Variants in ARHGEF16 observed in about 807,000 individuals in gnomAD.
The protein encoded by ARHGEF16 is Rho guanine exchange factor (GEF) 16.
ARHGEF16 carries 59 observed loss-of-function variants against 74.1 expected under a neutral mutation model. The ratio of observed to expected loss-of-function variants is 0.80; its 90% CI spans 0.65 to 0.99. The LOEUF (loss-of-function observed/expected upper bound fraction) is 0.99. Ranked by LOEUF, ARHGEF16 falls within the 50% of genes least tolerant of loss-of-function variation. ARHGEF16 has a pLI of 0.00. For missense variants in ARHGEF16, 948 were observed against 986.6 expected, an observed-to-expected ratio of 0.96 and a Z score of 0.52; for synonymous variants, 415 against 412.6, an observed-to-expected ratio of 1.01 and a Z score of -0.07.
intron 1 of ARHGEF16, among the ~76,000 whole-genome samples, chr1:3,459,773 C>T (rs963091686): frequency 9.2e-5 from 14 of 152,200 alleles, no homozygotes; most frequent in African/African-American, 3.4e-4. Context: ...AGGACGTGGA[C>T]AAGGCCCTGC....
intron 4 of ARHGEF16, among the ~76,000 whole-genome samples, chr1:3,467,698 C>T (rs2100743066): frequency 6.6e-6 from 1 of 152,300 alleles, no homozygotes; most frequent in South Asian, 2.1e-4. Flanking sequence ...GGGGCCGGGA[C>T]TTGGAGCTGG....
At chr1:3,462,883 G>T (rs1240234069) in intron 1 of ARHGEF16, among the ~76,000 whole-genome samples, 183 bp from the exon 2 acceptor site, 2 of 152,158 alleles carry the variant, frequency 1.3e-5, no homozygotes, top group Non-Finnish European at 2.9e-5. Context: ...CTGGCTCCCA[G>T]TGGTCAGGAC....
At chr1:3,472,028 C>A (rs1639739227) in intron 6 of ARHGEF16, among the ~76,000 whole-genome samples, 1 of 152,210 alleles carries the variant, frequency 6.6e-6, no homozygotes, top group Non-Finnish European at 1.5e-5. Context: ...AAGCGTGGCT[C>A]CTGCGTGGGT....
Position 3,473,431 on chromosome 1 carries a change from T to C in ARHGEF16, c.1214T>C (p.Ile405Thr), listed in dbSNP as rs539145625. The change falls in exon 8 of 15, where the codon ATT becomes ACT. Residue 405 changes from isoleucine (I) to threonine (T), a missense_variant. Coordinates refer to ENST00000378378, the MANE Select transcript of ARHGEF16 (RefSeq NM_014448.4). ...GCCTTCCGAGAGGCCCTGAGAGAGA[T>C]TGAGAGGCGGCCGGCGTGCGGGGGC... ...NAAFREALREIERRPACGGLP... is the reference protein window; with the variant it reads ...NAAFREALRETERRPACGGLP... The C allele has an allele frequency of 6.2e-6, 10 of 1,612,292 alleles. No individual in the cohort carries two copies. In the South Asian group the frequency reaches 6.6e-5, roughly 11 times the overall value.
rs756915221 is a variant in ARHGEF16 at position 3,473,242 on chromosome 1, G to A, written c.1175+12G>A. On this transcript the variant is annotated intron_variant, in intron 7 of 14. Coordinates refer to ENST00000378378, the MANE Select transcript of ARHGEF16 (RefSeq NM_014448.4). ...CTGCAGAAGCTGATGTGAGTGGGCG[G>A]CCCCGAGGCCCGCAGGGTGGCTCAG... 52 of 1,611,650 alleles carry A rather than the reference G, an allele frequency of 3.2e-5. No individual in the cohort carries two copies. In the South Asian group the frequency reaches 5.5e-4, roughly 17 times the overall value.
intron 1 of ARHGEF16, among the ~76,000 whole-genome samples, chr1:3,456,321 C>G (rs866000631): frequency 2.0e-5 from 3 of 152,240 alleles, no homozygotes; most frequent in African/African-American, 7.2e-5. Flanking sequence ...TGAGGATGGC[C>G]ATCTGTGTTC....
intron 1 of ARHGEF16, among the ~76,000 whole-genome samples, chr1:3,460,184 G>A (rs187621748): frequency 1.3e-5 from 2 of 152,198 alleles, no homozygotes; most frequent in South Asian, 2.1e-4. Context: ...CGGCTGCCTC[G>A]CTGGGAGCGG....
At chr1:3,479,765 T>C (rs762633224) in intron 13 of ARHGEF16, 47 bp from the exon 14 acceptor site, 1 of 1,594,846 alleles carries the variant, frequency 6.3e-7, no homozygotes, top group Admixed American at 1.7e-5. Context: ...GAGTGGAGCC[T>C]GGCCCATGCC....
chr1:3,467,761 C>A (rs1165796764), intron 4 of ARHGEF16, among the ~76,000 whole-genome samples: 1 of 152,174 alleles, frequency 6.6e-6, no homozygotes, highest in Non-Finnish European at 1.5e-5. Flanking sequence ...GGGGGCCCGT[C>A]CCTGCCCTGC....
At position 3,463,416 on chromosome 1, in the gene ARHGEF16, C is replaced by T; in HGVS notation, c.332C>T (p.Ala111Val). Residue 111 changes from alanine to valine, a missense_variant, in exon 2 of 15, where the codon GCT becomes GTT. Transcript: ENST00000378378. ...GCCCGCCACCAGAGCTTCGGGGCGGCTGTACTTAGCAGGGAGGCCGCCCGG... is the reference window on the plus strand; with the variant it reads ...GCCCGCCACCAGAGCTTCGGGGCGGTTGTACTTAGCAGGGAGGCCGCCCGG... The part of the protein sequence containing the change: ...TPARHQSFGA[A>V]VLSREAARRD... The T allele has an allele frequency of 6.5e-7, 1 of 1,549,566 alleles. No homozygotes were observed. The highest frequency in any genetic ancestry group is 1.2e-5 in the South Asian group (1 of 84,024).
At chr1:3,461,846 C>T (rs560581557) in intron 1 of ARHGEF16, among the ~76,000 whole-genome samples, 5 of 152,290 alleles carry the variant, frequency 3.3e-5, no homozygotes, top group African/African-American at 1.2e-4. Context: ...CCAGGGAAGA[C>T]GCAGAGGCAG....
intron 1 of ARHGEF16, among the ~76,000 whole-genome samples, chr1:3,458,233 G>A (rs1639309334): frequency 6.6e-6 from 1 of 152,236 alleles, no homozygotes; most frequent in Admixed American, 6.5e-5. Context: ...AGACAGGACA[G>A]CCAGCCAGCC....
At chr1:3,471,076 A>C (rs1198241851) in intron 6 of ARHGEF16, among the ~76,000 whole-genome samples, 7 of 62,634 alleles carry the variant, frequency 1.1e-4, no homozygotes, top group African/African-American at 1.8e-4. Context: ...GTATGTGTGC[A>C]TGGGCAGGGG....
At chr1:3,471,479 A>C in intron 6 of ARHGEF16, 6 of 289,880 alleles carry the variant, frequency 2.1e-5, no homozygotes, top group African/African-American at 2.3e-5. Context: ...GGCTTCCTGT[A>C]GAGCTCCAGG....
At chr1:3,457,293 A>G (rs1639285776) in intron 1 of ARHGEF16, among the ~76,000 whole-genome samples, 1 of 152,224 alleles carries the variant, frequency 6.6e-6, no homozygotes, top group Non-Finnish European at 1.5e-5. Context: ...GACAGGTGCT[A>G]GAGAGGCCGC....
chr1:3,468,633 C>T (rs1395069094), intron 4 of ARHGEF16: 9 of 542,240 alleles, frequency 1.7e-5, no homozygotes, highest in Non-Finnish European at 3.0e-5. Flanking sequence ...CATGCTCTTT[C>T]TGGGCTGCTT....
Position 3,467,221 on chromosome 1 carries a change from T to C in ARHGEF16, c.688T>C (p.Ser230Pro). 6.5e-7 allele frequency: 1 copy of C among 1,550,016 alleles called. No individual in the cohort carries two copies. The highest frequency in any genetic ancestry group is 8.7e-7 in the Non-Finnish European group (1 of 1,146,702). The change falls in exon 4 of 15, where the codon TCT becomes CCT. Residue 230 changes from serine (S) to proline (P), a missense_variant. Transcript: ENST00000378378. ...QERGLNTSQE[S>P]DDDILDESSS... The stretch of plus-strand genomic sequence containing the variant: ...GCGGGGCCTGAACACCAGCCAGGAG[T>C]CTGATGACGACATCCTCGATGAGTC...
At position 3,479,926 on chromosome 1, in the gene ARHGEF16, G is replaced by A. The variant is rs1455841659; in HGVS notation, c.1990+13G>A. The A allele has an allele frequency of 1.9e-6, 3 of 1,611,524 alleles. No homozygotes were observed. Among genetic ancestry groups the A allele is most frequent in the Non-Finnish European group, 2.5e-6 (3 of 1,179,482 alleles). On this transcript the variant is annotated intron_variant, in intron 14 of 14. Transcript: ENST00000378378. ...CAGCAGGAGGATGGTGAGTGCAGGGGCGTTGGGCACAGATGGGTGGGAACG... is the reference window on the plus strand; with the variant it reads ...CAGCAGGAGGATGGTGAGTGCAGGGACGTTGGGCACAGATGGGTGGGAACG...
chr1:3,470,449 T>G (rs72852420), intron 6 of ARHGEF16, among the ~76,000 whole-genome samples: 4,187 of 140,196 alleles, frequency 0.03, 177 homozygotes, highest in African/African-American at 0.1. Flanking sequence ...GTATGCATGG[T>G]TGTGTGTGCG....
Sources: gnomAD v4.1 joint callset for allele counts (sites outside exome capture counted in the v4.1 genomes callset) on GRCh38, gnomAD v4.1.1 for gene constraint, MANE v1.5 for transcripts, NCBI Gene and HGNC (gene_info 2026-07-23, HGNC 2026-07-21) for gene names.